The following NSUN3 variants were observed in gnomAD, a reference collection of about 807,000 sequenced individuals.
The protein encoded by NSUN3 is tRNA (cytosine(34)-C(5))-methyltransferase, mitochondrial.
In NSUN3, 24 loss-of-function variants were observed where a neutral mutation model predicts 36.8. The observed-to-expected ratio is 0.65, with a 90% CI of 0.47 to 0.92. The LOEUF (loss-of-function observed/expected upper bound fraction) is 0.92, where lower values mean the gene tolerates loss of function less well. NSUN3 is among the 40% of genes least tolerant of loss of function. The probability of loss-of-function intolerance (pLI) is 0.00; values close to 1 mark genes in which losing one functional copy is unlikely to be tolerated. For synonymous variants in NSUN3, 146 were observed against 145.2 expected (o/e 1.01, Z -0.04); for missense variants, 381 against 392.8 (o/e 0.97, Z 0.25).
rs2077494330 is a variant in NSUN3, at chr3:94,127,994, G to C, written c.*1504G>C. Reference sequence around the variant, plus strand: ...CCAGCACTTTGTCAGGCCGAGGCAGGGGGCATCTCCTGAGGTCAGAAGTTC... The same window carrying C: ...CCAGCACTTTGTCAGGCCGAGGCAGCGGGCATCTCCTGAGGTCAGAAGTTC... On this transcript the variant is annotated 3_prime_UTR_variant, in exon 6 of 6. Transcript: ENST00000314622. The C allele has an allele frequency of 6.6e-6, 1 of 152,090 alleles. No homozygotes were observed. The allele number at this position is 152,090 out of a possible 1,614,324, so 9.4% of individuals were successfully genotyped here. A position where few individuals can be genotyped will look rare whatever the true frequency, so the allele number is the denominator to read the frequency against.
At chr3:94,083,435 C>G (rs915799593) in intron 2 of NSUN3, among the ~76,000 whole-genome samples, 1 of 152,230 alleles carries the variant, frequency 6.6e-6, no homozygotes, top group East Asian at 1.9e-4. Flanking sequence ...CCATTGGCCA[C>G]TTGGTGCTTA....
chr3:94,091,227 C>G (rs768487618), intron 3 of NSUN3, among the ~76,000 whole-genome samples: 1 of 151,844 alleles, frequency 6.6e-6, no homozygotes, highest in East Asian at 1.9e-4. Context: ...TTCAAAGGAA[C>G]GATGGACAGA....
intron 3 of NSUN3, among the ~76,000 whole-genome samples, chr3:94,092,177 A>G (rs1344073448): frequency 6.6e-6 from 1 of 152,176 alleles, no homozygotes; most frequent in African/African-American, 2.4e-5. Context: ...TTAACCAATG[A>G]GAGAAAGAGA....
At chr3:94,078,575 T>A (rs764146624) in intron 2 of NSUN3, among the ~76,000 whole-genome samples, 7 of 152,136 alleles carry the variant, frequency 4.6e-5, no homozygotes, top group Non-Finnish European at 1.0e-4. Flanking sequence ...GGAGTCTAAG[T>A]CTCTTTGTAG....
intron 2 of NSUN3, among the ~76,000 whole-genome samples, chr3:94,078,615 A>T (rs142676701): frequency 0.014 from 2,160 of 152,094 alleles, 21 homozygotes; most frequent in Admixed American, 0.022. Flanking sequence ...ATGAATCTGG[A>T]TGCTCCTGTG....
At chr3:94,111,022 T>G (rs1273464786) in intron 5 of NSUN3, among the ~76,000 whole-genome samples, 7 of 151,992 alleles carry the variant, frequency 4.6e-5, no homozygotes, top group Non-Finnish European at 1.0e-4. Context: ...ACATAGATGA[T>G]TACATAAACC....
At chr3:94,118,542 C>T (rs985145386) in intron 5 of NSUN3, among the ~76,000 whole-genome samples, 9 of 151,994 alleles carry the variant, frequency 5.9e-5, no homozygotes, top group African/African-American at 1.4e-4. Context: ...AGCACAAATA[C>T]GACATTACTC....
intron 5 of NSUN3, among the ~76,000 whole-genome samples, chr3:94,116,679 T>C (rs914176320): frequency 1.3e-5 from 2 of 152,196 alleles, no homozygotes; most frequent in African/African-American, 4.8e-5. Flanking sequence ...ACAGAAGATA[T>C]TGTATATAGT....
chr3:94,064,248 T>C lies in NSUN3; in HGVS notation c.13-189T>C. The C allele has an allele frequency of 7.1e-6, 4 of 566,404 alleles. No homozygotes were observed. The South Asian group carries it at 9.0e-5, about 13-fold the overall frequency. The allele number at this position is 566,404 out of a possible 1,614,324, so 35.1% of individuals were successfully genotyped here. A position where few individuals can be genotyped will look rare whatever the true frequency, so the allele number is the denominator to read the frequency against. On this transcript the variant is annotated intron_variant, in intron 1 of 5. Coordinates refer to ENST00000314622, the MANE Select transcript of NSUN3 (RefSeq NM_022072.5). ...GCTTCACATTTGGAAAATAATTATT[T>C]GGAAAAACCTTGCTTTTTCATAATT...
chr3:94,083,496 A>G (rs2077279478), intron 2 of NSUN3, among the ~76,000 whole-genome samples: 1 of 152,214 alleles, frequency 6.6e-6, no homozygotes, highest in African/African-American at 2.4e-5. Context: ...GGTTGGGGAA[A>G]GCAACCAAAC....
chr3:94,124,553 A>G (rs2077477289), intron 5 of NSUN3, among the ~76,000 whole-genome samples: 1 of 151,852 alleles, frequency 6.6e-6, no homozygotes, highest in Non-Finnish European at 1.5e-5. Flanking sequence ...TCTTCTTTAT[A>G]TGGTCCTCCC....
chr3:94,100,725 A>T (rs1428573840), intron 5 of NSUN3, among the ~76,000 whole-genome samples: 1 of 152,168 alleles, frequency 6.6e-6, no homozygotes, highest in Non-Finnish European at 1.5e-5. Flanking sequence ...ATCACATTAT[A>T]CTCCATAAAT....
chr3:94,109,594 A>T (rs1424188101), intron 5 of NSUN3, among the ~76,000 whole-genome samples: 3 of 152,236 alleles, frequency 2.0e-5, no homozygotes, highest in Admixed American at 1.3e-4. Flanking sequence ...AAGATGAAAC[A>T]CGTCTCTTCT....
intron 2 of NSUN3, among the ~76,000 whole-genome samples, chr3:94,070,181 A>G (rs139306333): frequency 1.3e-5 from 2 of 152,320 alleles, no homozygotes; most frequent in African/African-American, 4.8e-5. Flanking sequence ...GATGGCTCAC[A>G]CCTGTAATTC....
intron 5 of NSUN3, among the ~76,000 whole-genome samples, chr3:94,112,872 CT>C (rs774346893): frequency 2.0e-5 from 3 of 149,152 alleles, no homozygotes; most frequent in South Asian, 2.1e-4. Flanking sequence ...TAACAAAACT[CT>C]TTTTTTTTTG....
At chr3:94,119,858 T>C (rs1476214745) in intron 5 of NSUN3, among the ~76,000 whole-genome samples, 1 of 152,276 alleles carries the variant, frequency 6.6e-6, no homozygotes, top group African/African-American at 2.4e-5. Flanking sequence ...GTTTTGAGAT[T>C]AACCCAATTT....
At chr3:94,126,158 G>A in intron 5 of NSUN3, 53 bp from the exon 6 acceptor site, 2 of 1,495,420 alleles carry the variant, frequency 1.3e-6, no homozygotes, top group South Asian at 1.3e-5. Context: ...AGACCCCCTG[G>A]TTTCTTTTTA....
At chr3:94,097,348 C>T (rs907311438) in intron 5 of NSUN3, among the ~76,000 whole-genome samples, 1 of 151,514 alleles carries the variant, frequency 6.6e-6, no homozygotes, top group Non-Finnish European at 1.5e-5. Context: ...TATGTATATT[C>T]TTCTGTTACA....
At chr3:94,120,860 A>G (rs555007686) in intron 5 of NSUN3, among the ~76,000 whole-genome samples, 6 of 152,324 alleles carry the variant, frequency 3.9e-5, no homozygotes, top group African/African-American at 1.4e-4. Flanking sequence ...ATTGTTTTCC[A>G]TAGTGGCTAT....
Sources: gnomAD v4.1 joint callset for allele counts (sites outside exome capture counted in the v4.1 genomes callset) on GRCh38, gnomAD v4.1.1 for gene constraint, MANE v1.5 for transcripts, NCBI Gene and HGNC (gene_info 2026-07-23, HGNC 2026-07-21) for gene names.